The following FRMPD1 variants were observed in gnomAD, a reference collection of about 807,000 sequenced individuals.
FRMPD1 encodes FERM and PDZ domain-containing protein 1.
FRMPD1 carries 76 observed loss-of-function variants against 117.8 expected under a neutral mutation model. That is an observed-to-expected ratio of 0.65 (90% CI 0.54 to 0.78). The LOEUF (loss-of-function observed/expected upper bound fraction) is 0.78, where lower values mean the gene tolerates loss of function less well. Ranked by LOEUF, FRMPD1 falls within the 30% of genes least tolerant of loss-of-function variation. The pLI, the probability that FRMPD1 is intolerant of heterozygous loss-of-function variation, is 0.00. For synonymous variants in FRMPD1, 783 were observed against 770.4 expected, an observed-to-expected ratio of 1.02 and a Z score of -0.27; for missense variants, 1,786 against 1,964.5, an observed-to-expected ratio of 0.91 and a Z score of 1.72.
chr9:37,661,634 C>A (rs942556667), intron 1 of FRMPD1: 1 of 152,290 alleles, frequency 6.6e-6, no homozygotes, highest in Non-Finnish European at 1.5e-5. Flanking sequence ...GTTTCTTATT[C>A]TCTTCCACCT....
chr9:37,636,622 C>T, the FRMPD1 span: 2 of 1,203,070 alleles, frequency 1.7e-6, no homozygotes, highest in Non-Finnish European at 2.3e-6. Flanking sequence ...AGGGAGGCAC[C>T]TCCTGTCCCC....
chr9:37,642,713 G>C, the FRMPD1 span, among the ~76,000 whole-genome samples: 4 of 152,122 alleles, frequency 2.6e-5, no homozygotes, highest in African/African-American at 4.8e-5. Context: ...TAGGAGTTCA[G>C]AAATTTCACC....
intron 6 of FRMPD1, 83 bp from the exon 7 acceptor site, chr9:37,724,142 C>A: frequency 1.4e-6 from 1 of 699,150 alleles, no homozygotes; most frequent in Non-Finnish European, 2.6e-6. Flanking sequence ...CCACTGTTCT[C>A]CAGCCTGGGT....
At chr9:37,668,172 C>A (rs937454296) in intron 1 of FRMPD1, 3 of 152,262 alleles carry the variant, frequency 2.0e-5, no homozygotes, top group Admixed American at 6.5e-5. Context: ...TTTCCTCTCT[C>A]GACTGGCTCA....
the FRMPD1 span, chr9:37,636,655 G>C: frequency 4.2e-6 from 6 of 1,422,336 alleles, no homozygotes; most frequent in Non-Finnish European, 4.7e-6. Context: ...ATTTGGAGAA[G>C]GTGCCCCCTC....
the FRMPD1 span, among the ~76,000 whole-genome samples, chr9:37,615,839 G>A: frequency 1.3e-5 from 2 of 150,826 alleles, no homozygotes; most frequent in East Asian, 3.9e-4. Context: ...TTGAGACAGA[G>A]TCTCCCTCTG....
chr9:37,610,655 C>T, the FRMPD1 span, among the ~76,000 whole-genome samples: 137 of 148,212 alleles, frequency 9.2e-4, 2 homozygotes, highest in Admixed American at 9.4e-3. Flanking sequence ...AGTGCAATGG[C>T]GCGATCTCGG....
At position 37,692,698 on chromosome 9, in the gene FRMPD1, A is replaced by T. The variant is rs1356756141; in HGVS notation, c.57A>T (p.Gln19His). 6.2e-7 allele frequency: 1 copy of T among 1,613,956 alleles called. No homozygotes were observed. The highest frequency in any genetic ancestry group is 8.5e-7 in the Non-Finnish European group (1 of 1,179,954). Residue 19 changes from glutamine (Q) to histidine (H), a missense_variant, in exon 2 of 16, where the codon CAA (glutamine) becomes CAT (histidine). By Grantham distance (24) the Gln-to-His change is conservative. Transcript: ENST00000377765. ...CACGGAAAGCACATAGAATAGAACAAATGGTGGCAAGATGGCTTCGGCGCT... is the reference window on the plus strand; with the variant it reads ...CACGGAAAGCACATAGAATAGAACATATGGTGGCAAGATGGCTTCGGCGCT... The part of the protein sequence containing the change: ...FQTRKAHRIE[Q>H]MVARWLRRSR...
chr9:37,610,769 G>GT, the FRMPD1 span, among the ~76,000 whole-genome samples: 8 of 151,298 alleles, frequency 5.3e-5, no homozygotes, highest in South Asian at 4.2e-4. Context: ...TAATTGTGTG[G>GT]TTTTTTTTCT....
chr9:37,728,962 C>CAA (rs34287255), intron 7 of FRMPD1, among the ~76,000 whole-genome samples: 5 of 109,582 alleles, frequency 4.6e-5, no homozygotes, highest in African/African-American at 7.1e-5. Context: ...GATTCCGTCT[C>CAA]AAAAAAAAAA....
chr9:37,629,863 AC>A, the FRMPD1 span, among the ~76,000 whole-genome samples: 6 of 152,158 alleles, frequency 3.9e-5, no homozygotes, highest in African/African-American at 1.2e-4. Flanking sequence ...CTATAACAAA[AC>A]GCTGTAGACT....
At chr9:37,636,273 C>G in the FRMPD1 span, among the ~76,000 whole-genome samples, 1 of 152,234 alleles carries the variant, frequency 6.6e-6, no homozygotes, top group East Asian at 1.9e-4. Context: ...CTGACTGCAG[C>G]CAGGGCAGTA....
intron 1 of FRMPD1, among the ~76,000 whole-genome samples, chr9:37,658,654 C>G (rs2182316): frequency 0.24 from 36,878 of 152,068 alleles, 4,615 homozygotes; most frequent in Middle Eastern, 0.28. Flanking sequence ...TCACTCCAGT[C>G]TCTGCCTCCC....
chr9:37,697,674 A>G (rs959555147), intron 2 of FRMPD1, among the ~76,000 whole-genome samples: 2 of 152,268 alleles, frequency 1.3e-5, no homozygotes, highest in African/African-American at 2.4e-5. Context: ...GCTTAATAAA[A>G]GCTGCAACAC....
chr9:37,615,182 A>G, the FRMPD1 span, among the ~76,000 whole-genome samples: 1 of 151,910 alleles, frequency 6.6e-6, no homozygotes. Flanking sequence ...GCGTGATCTC[A>G]GCTCTCTGCA....
intron 1 of FRMPD1, among the ~76,000 whole-genome samples, chr9:37,684,332 A>G (rs1821846679): frequency 6.6e-6 from 1 of 152,220 alleles, no homozygotes; most frequent in African/African-American, 2.4e-5. Flanking sequence ...TTTGTAAATG[A>G]GAATTATTAT....
chr9:37,739,877 A>G (rs1824298807), intron 14 of FRMPD1, among the ~76,000 whole-genome samples: 1 of 152,156 alleles, frequency 6.6e-6, no homozygotes, highest in Non-Finnish European at 1.5e-5. Flanking sequence ...GATGTGGGAC[A>G]GGCGGTCTGA....
chr9:37,656,907 C>A (rs1255685370), intron 1 of FRMPD1, among the ~76,000 whole-genome samples: 1 of 147,796 alleles, frequency 6.8e-6, no homozygotes, highest in African/African-American at 2.6e-5. Context: ...GGTATGTGGC[C>A]TTAATATTAG....
intron 15 of FRMPD1, among the ~76,000 whole-genome samples, chr9:37,741,450 G>GACACACACACACACACACACACACAC (rs56971939): frequency 7.4e-5 from 10 of 135,740 alleles, no homozygotes; most frequent in African/African-American, 2.8e-4. Flanking sequence ...ATCCTGGCAG[G>GACACACACACACACACACACACACAC]ACACACACAC....
Sources: gnomAD v4.1 joint callset for allele counts (sites outside exome capture counted in the v4.1 genomes callset) on GRCh38, gnomAD v4.1.1 for gene constraint, MANE v1.5 for transcripts, NCBI Gene and HGNC (gene_info 2026-07-23, HGNC 2026-07-21) for gene names.